The following CTNNA3 variants were observed in gnomAD, a reference collection of about 807,000 sequenced individuals.
The protein encoded by CTNNA3 is catenin alpha-3.
CTNNA3 carries 76 observed loss-of-function variants against 95.7 expected under a neutral mutation model. That is an observed-to-expected ratio of 0.79 (90% CI 0.66 to 0.96). CTNNA3 has a LOEUF of 0.96. Ranked by LOEUF, CTNNA3 falls within the 40% of genes least tolerant of loss-of-function variation. The pLI, the probability that CTNNA3 is intolerant of heterozygous loss-of-function variation, is 0.00. For synonymous variants in CTNNA3, 431 were observed against 374.4 expected, an observed-to-expected ratio of 1.15 and a Z score of -1.74; for missense variants, 1,191 against 1,089.8, an observed-to-expected ratio of 1.09 and a Z score of -1.31.
At chr10:65,948,280 C>CAA (rs56966630) in intron 17 of CTNNA3, among the ~76,000 whole-genome samples, 2,125 of 97,518 alleles carry the variant, frequency 0.022, 72 homozygotes, top group African/African-American at 0.084. Flanking sequence ...GACTCCATCT[C>CAA]AAAAAAAAAA....
At position 65,912,846 on chromosome 10, in the gene CTNNA3, T is replaced by C. The variant is rs908848309; in HGVS notation, c.*7484A>G. The C allele has an allele frequency of 2.6e-5, 4 of 152,168 alleles. No individual in the cohort carries two copies. Among genetic ancestry groups the C allele is most frequent in the Non-Finnish European group, 5.9e-5 (4 of 68,024 alleles). 9.4% of individuals were successfully genotyped at this position (152,168 alleles called of 1,614,324 possible). On this transcript the variant is annotated 3_prime_UTR_variant, in exon 18 of 18. Coordinates refer to ENST00000433211, the MANE Select transcript of CTNNA3 (RefSeq NM_013266.4). ...TTTTTATTGATTGGCAAAAATACTT[T>C]AAGGATAAATATGGACCAGAAAGGC...
intron 7 of CTNNA3, among the ~76,000 whole-genome samples, chr10:66,951,567 T>C (rs1416238411): frequency 6.6e-6 from 1 of 152,198 alleles, no homozygotes; most frequent in Non-Finnish European, 1.5e-5. Context: ...TTAAGTAATA[T>C]ATTGAAGATC....
intron 10 of CTNNA3, among the ~76,000 whole-genome samples, chr10:66,540,595 A>G (rs1010548621): frequency 6.6e-6 from 1 of 152,038 alleles, no homozygotes; most frequent in Non-Finnish European, 1.5e-5. Flanking sequence ...CGTGAGCATA[A>G]AAAGCAGTAT....
At position 67,628,198 on chromosome 10, in the gene CTNNA3, T is replaced by G. The variant is rs1366981090; in HGVS notation, c.99+19217A>C. On this transcript the variant is annotated intron_variant, in intron 2 of 17. Coordinates refer to ENST00000433211, the MANE Select transcript of CTNNA3 (RefSeq NM_013266.4). ...TTCTCCTTTGAACAAGATTTTCATA[T>G]AGTATCAATAAGAAATAGTAAACGA... is the stretch of plus-strand genomic sequence containing the variant. 1.3e-5 allele frequency among the ~76,000 whole-genome samples: 2 copies of G among 151,154 alleles called. 1 individual carries two copies. The highest frequency in any genetic ancestry group is 3.0e-5 in the Non-Finnish European group (2 of 67,792).
chr10:66,374,709 G>A (rs1460618036), intron 12 of CTNNA3, among the ~76,000 whole-genome samples: 1 of 147,192 alleles, frequency 6.8e-6, no homozygotes, highest in African/African-American at 2.5e-5. Flanking sequence ...CTGCCTCCTG[G>A]GTTCAAGCAA....
intron 13 of CTNNA3, among the ~76,000 whole-genome samples, chr10:66,218,123 T>C (rs1260476207): frequency 6.6e-6 from 1 of 152,132 alleles, no homozygotes; most frequent in East Asian, 1.9e-4. Flanking sequence ...TTTTTTCTTT[T>C]CACCTAATAA....
At chr10:67,655,430 G>A (rs1050878153) in intron 1 of CTNNA3, among the ~76,000 whole-genome samples, 1 of 152,174 alleles carries the variant, frequency 6.6e-6, no homozygotes, top group African/African-American at 2.4e-5. Context: ...TCAGCAACTA[G>A]TGAAAGACTG....
intron 13 of CTNNA3, among the ~76,000 whole-genome samples, chr10:66,213,378 T>C (rs2088296989): frequency 6.6e-6 from 1 of 152,136 alleles, no homozygotes; most frequent in Non-Finnish European, 1.5e-5. Context: ...ATTTAAATAT[T>C]TTAAAAGCAA....
At position 66,042,899 on chromosome 10, in the gene CTNNA3, C is replaced by CAAAAAAAAAA. The variant is rs60090636; in HGVS notation, c.2159+26399_2159+26408dup. Among the ~76,000 whole-genome samples the CAAAAAAAAAA allele has an allele frequency of 1.0e-3, 52 of 50,426 alleles. 6 individuals are homozygous for CAAAAAAAAAA. The highest frequency in any genetic ancestry group is 2.1e-3 in the African/African-American group (24 of 11,522). 33.1% of individuals were successfully genotyped at this position (50,426 alleles called of 152,430 possible). ...TGGGTGACTGAGCGAGACTCTGTCTCAAAAAAAAAAAAAAAAAAAAAAAAA... is the reference window on the plus strand; with the variant it reads ...TGGGTGACTGAGCGAGACTCTGTCTCAAAAAAAAAAAAAAAAAAAAAAAAAAAAAAAAAAA... On this transcript the variant is annotated intron_variant, in intron 15 of 17. Coordinates refer to ENST00000433211, the MANE Select transcript of CTNNA3 (RefSeq NM_013266.4).
chr10:66,973,003 C>A lies in CTNNA3; in HGVS notation c.1048-197479G>T, dbSNP rs1439037951. Reference sequence around the variant, plus strand: ...GAAATGTCAGTATTAAAAACTAAGTCAACCACAAGCAGTTTTACATCATGT... The same window carrying A: ...GAAATGTCAGTATTAAAAACTAAGTAAACCACAAGCAGTTTTACATCATGT... On this transcript the variant is annotated intron_variant, in intron 7 of 17. Transcript: ENST00000433211. Among the ~76,000 whole-genome samples the A allele has an allele frequency of 3.3e-5, 5 of 152,236 alleles. No individual in the cohort carries two copies. In the South Asian group the frequency reaches 1.0e-3, roughly 32 times the overall value.
chr10:67,752,893 T>C (rs868542292), intron 1 of CTNNA3, among the ~76,000 whole-genome samples: 3 of 152,174 alleles, frequency 2.0e-5, no homozygotes, highest in Middle Eastern at 3.2e-3. Context: ...ATGGCCATAC[T>C]ACCCAAAGTA....
intron 10 of CTNNA3, among the ~76,000 whole-genome samples, chr10:66,607,648 T>G (rs2132275660): frequency 6.6e-6 from 1 of 151,902 alleles, no homozygotes; most frequent in East Asian, 1.9e-4. Flanking sequence ...CAAGGTTGAT[T>G]CAAATCAATA....
intron 7 of CTNNA3, among the ~76,000 whole-genome samples, chr10:66,951,691 AT>A (rs1377360046): frequency 6.6e-6 from 1 of 152,144 alleles, no homozygotes; most frequent in East Asian, 1.9e-4. Flanking sequence ...AATGTGATTT[AT>A]TTTTTTCCCA....
intron 1 of CTNNA3, among the ~76,000 whole-genome samples, chr10:67,691,315 C>T (rs1233208855): frequency 1.3e-5 from 2 of 152,232 alleles, no homozygotes; most frequent in African/African-American, 2.4e-5. Flanking sequence ...GGCCACCACC[C>T]CGTCTGGGAA....
intron 3 of CTNNA3, among the ~76,000 whole-genome samples, chr10:67,583,197 C>T (rs950305369): frequency 9.9e-5 from 15 of 152,160 alleles, no homozygotes; most frequent in African/African-American, 2.9e-4. Context: ...TGGCTGGTAC[C>T]GGTTGTTCCT....
chr10:67,469,701 A>G (rs1278093524), intron 5 of CTNNA3, among the ~76,000 whole-genome samples: 1 of 152,192 alleles, frequency 6.6e-6, no homozygotes, highest in Non-Finnish European at 1.5e-5. Flanking sequence ...TGGCACATGT[A>G]TATCTATGTA....
intron 1 of CTNNA3, among the ~76,000 whole-genome samples, chr10:67,701,618 G>A (rs963542351): frequency 6.6e-6 from 1 of 152,190 alleles, no homozygotes; most frequent in African/African-American, 2.4e-5. Context: ...AACAGCTCCT[G>A]AAGGAAGCAC....
intron 1 of CTNNA3, among the ~76,000 whole-genome samples, chr10:67,694,913 G>C (rs1840935144): frequency 6.6e-6 from 1 of 152,122 alleles, no homozygotes; most frequent in Non-Finnish European, 1.5e-5. Context: ...ATGTGTAGGA[G>C]GTAACAAATG....
At chr10:66,534,258 A>C (rs1296447113) in intron 10 of CTNNA3, among the ~76,000 whole-genome samples, 1 of 152,152 alleles carries the variant, frequency 6.6e-6, no homozygotes, top group Admixed American at 6.5e-5. Flanking sequence ...AATGAATTCA[A>C]GCTGGAAAGG....
Sources: allele counts gnomAD v4.1 joint callset (sites outside exome capture counted in the v4.1 genomes callset), GRCh38; gene constraint gnomAD v4.1.1; transcripts MANE v1.5; gene names NCBI Gene and HGNC (gene_info 2026-07-23, HGNC 2026-07-21).